The following ZNF804B variants were observed in gnomAD, a reference collection of about 807,000 sequenced individuals.
ZNF804B encodes zinc finger 804B.
Under a neutral mutation model 101.4 loss-of-function variants are expected in ZNF804B, and 80 were observed. That is an observed-to-expected ratio of 0.79 (90% confidence interval 0.66 to 0.95). The LOEUF is 0.95. Among genes scored for constraint, ZNF804B ranks in the 40% least tolerant of loss-of-function variants. The pLI is 0.00. For missense variants in ZNF804B, 1,673 were observed against 1,561.9 expected (o/e 1.07, Z -1.20); for synonymous variants, 622 against 558.8 (o/e 1.11, Z -1.59).
chr7:89,180,160 T>C (rs1180793906), intron 1 of ZNF804B, among the ~76,000 whole-genome samples: 1 of 152,064 alleles, frequency 6.6e-6, no homozygotes, highest in African/African-American at 2.4e-5. Flanking sequence ...TTAGCTACCA[T>C]TGAGATTTAT....
intron 1 of ZNF804B, among the ~76,000 whole-genome samples, chr7:88,768,771 A>G (rs994861322): frequency 2.6e-5 from 4 of 152,192 alleles, no homozygotes; most frequent in African/African-American, 9.6e-5. Context: ...TTCAGTTTCT[A>G]TGATATATTA....
chr7:89,004,576 G>A (rs1344293108), intron 1 of ZNF804B, among the ~76,000 whole-genome samples: 1 of 151,700 alleles, frequency 6.6e-6, no homozygotes, highest in Admixed American at 6.6e-5. Flanking sequence ...GTGTGGTGAC[G>A]GCATGCAGGT....
intron 1 of ZNF804B, among the ~76,000 whole-genome samples, chr7:88,767,192 G>A (rs928685499): frequency 1.3e-5 from 2 of 152,094 alleles, no homozygotes; most frequent in Non-Finnish European, 2.9e-5. Context: ...TATTCTGTGC[G>A]CTCTTTCACC....
At chr7:89,144,579 A>G (rs918352954) in intron 1 of ZNF804B, among the ~76,000 whole-genome samples, 2 of 151,992 alleles carry the variant, frequency 1.3e-5, no homozygotes, top group African/African-American at 4.8e-5. Flanking sequence ...GATGTTGATC[A>G]AAAGGTATAA....
At chr7:88,952,511 T>TTAA (rs1340453866) in intron 1 of ZNF804B, among the ~76,000 whole-genome samples, 1 of 151,840 alleles carries the variant, frequency 6.6e-6, no homozygotes, top group Non-Finnish European at 1.5e-5. Flanking sequence ...ATATCTTTTA[T>TTAA]GTTTTAGTAC....
intron 1 of ZNF804B, among the ~76,000 whole-genome samples, chr7:88,866,046 G>C (rs1268909308): frequency 2.0e-5 from 3 of 152,112 alleles, no homozygotes; most frequent in Non-Finnish European, 4.4e-5. Context: ...CTTGTCCACA[G>C]TAAGTAGTAA....
chr7:89,335,841 T>C lies in ZNF804B; in HGVS notation c.2859T>C (p.Ser953=). The C allele has an allele frequency of 3.1e-6, 5 of 1,614,022 alleles. No individual in the cohort carries two copies. The highest frequency in any genetic ancestry group is 3.4e-6 in the Non-Finnish European group (4 of 1,179,960). The part of the protein sequence containing the change: ...NVEISSNSCK[S]ELEAPSQVPC... Reference sequence around the variant, plus strand: ...AGATCTCTTCAAACAGTTGTAAAAGTGAATTAGAGGCTCCTTCGCAAGTCC... The same window carrying C: ...AGATCTCTTCAAACAGTTGTAAAAGCGAATTAGAGGCTCCTTCGCAAGTCC... Residue 953 remains serine, a synonymous_variant, in exon 4 of 4, where the codon AGT becomes AGC. Transcript: ENST00000333190.
intron 1 of ZNF804B, among the ~76,000 whole-genome samples, chr7:88,972,550 A>G (rs1007318917): frequency 1.3e-5 from 2 of 151,386 alleles, no homozygotes; most frequent in African/African-American, 4.8e-5. Flanking sequence ...TGATAGAAAA[A>G]AAGTCCCCTG....
intron 1 of ZNF804B, among the ~76,000 whole-genome samples, chr7:88,946,175 A>G (rs749781120): frequency 4.6e-5 from 7 of 152,142 alleles, no homozygotes; most frequent in African/African-American, 1.2e-4. Flanking sequence ...GCCGGTTTTC[A>G]AAGGGAATGT....
chr7:88,962,499 C>T (rs1301396870), intron 1 of ZNF804B, among the ~76,000 whole-genome samples: 1 of 150,726 alleles, frequency 6.6e-6, no homozygotes, highest in Non-Finnish European at 1.5e-5. Flanking sequence ...AGAAGAGTTC[C>T]TAACGAGGTG....
chr7:89,097,142 GA>G (rs1479236658), intron 1 of ZNF804B, among the ~76,000 whole-genome samples: 2 of 152,146 alleles, frequency 1.3e-5, no homozygotes, highest in Non-Finnish European at 2.9e-5. Context: ...TCTCTGGACA[GA>G]CCACACCTCA....
intron 1 of ZNF804B, among the ~76,000 whole-genome samples, chr7:89,132,973 A>T (rs1314725596): frequency 6.6e-6 from 1 of 152,042 alleles, no homozygotes; most frequent in Non-Finnish European, 1.5e-5. Context: ...ACAGCCAAAG[A>T]TTTGCAGTCA....
At chr7:89,029,463 A>G (rs1788800162) in intron 1 of ZNF804B, among the ~76,000 whole-genome samples, 1 of 152,202 alleles carries the variant, frequency 6.6e-6, no homozygotes, top group African/African-American at 2.4e-5. Flanking sequence ...GATTAAGGGA[A>G]AACATACACA....
chr7:88,994,710 TCA>T lies in ZNF804B; in HGVS notation c.109-223444_109-223443del, dbSNP rs1793895488. Among the ~76,000 whole-genome samples, 4 of 152,102 alleles carry T rather than the reference TCA, an allele frequency of 2.6e-5. 1 individual carries two copies. The highest frequency in any genetic ancestry group is 2.6e-4 in the Admixed American group (4 of 15,234). Reference sequence around the variant, plus strand: ...AGATTTTCCCTACTTTGTTGGTTCATCATAGATTTGATGCTACAGTTTCTCAA... The same window carrying T: ...AGATTTTCCCTACTTTGTTGGTTCATTAGATTTGATGCTACAGTTTCTCAA... On this transcript the variant is annotated intron_variant, in intron 1 of 3. Coordinates refer to ENST00000333190, the MANE Select transcript of ZNF804B (RefSeq NM_181646.5).
chr7:89,283,561 C>G (rs1219146416), intron 2 of ZNF804B, among the ~76,000 whole-genome samples: 2 of 152,216 alleles, frequency 1.3e-5, no homozygotes, highest in African/African-American at 4.8e-5. Flanking sequence ...TCATTTGATC[C>G]CTGCTGTGTC....
chr7:88,928,929 T>C (rs1427504886), intron 1 of ZNF804B, among the ~76,000 whole-genome samples: 2 of 152,056 alleles, frequency 1.3e-5, no homozygotes, highest in African/African-American at 4.8e-5. Flanking sequence ...ATATGACACT[T>C]ATTTTGGACA....
intron 2 of ZNF804B, among the ~76,000 whole-genome samples, chr7:89,286,321 C>T (rs1389597372): frequency 2.6e-5 from 4 of 152,096 alleles, no homozygotes; most frequent in Non-Finnish European, 4.4e-5. Flanking sequence ...AAGCTGTCAA[C>T]AGTATGAAAG....
intron 1 of ZNF804B, among the ~76,000 whole-genome samples, chr7:89,057,976 G>A (rs1039265368): frequency 3.3e-5 from 5 of 152,122 alleles, no homozygotes; most frequent in Non-Finnish European, 5.9e-5. Context: ...GAACAACTGA[G>A]GCATTTATCA....
At chr7:88,760,901 AAT>A (rs10539877) in intron 1 of ZNF804B, among the ~76,000 whole-genome samples, 52,068 of 129,596 alleles carry the variant, frequency 0.4, 11,003 homozygotes, top group African/African-American at 0.64. Flanking sequence ...ATATATAATA[AAT>A]ATATATATAA....
Sources: gnomAD v4.1 joint callset for allele counts (sites outside exome capture counted in the v4.1 genomes callset) on GRCh38, gnomAD v4.1.1 for gene constraint, MANE v1.5 for transcripts, NCBI Gene and HGNC (gene_info 2026-07-23, HGNC 2026-07-21) for gene names.